The following SDK2 variants were observed in gnomAD, a reference collection of about 807,000 sequenced individuals.
The protein encoded by SDK2 is protein sidekick-2.
A neutral mutation model predicts 253.9 loss-of-function variants in SDK2; 105 were observed. That is an observed-to-expected ratio of 0.41 (90% confidence interval 0.35 to 0.49). SDK2 has a LOEUF of 0.49. Among genes scored for constraint, SDK2 ranks in the 20% least tolerant of loss-of-function variants. The pLI, the probability that SDK2 is intolerant of heterozygous loss-of-function variation, is 0.06. For synonymous variants in SDK2, 1,249 were observed against 1,234.9 expected, an observed-to-expected ratio of 1.01 and a Z score of -0.24; for missense variants, 2,608 against 3,003.0, an observed-to-expected ratio of 0.87 and a Z score of 3.07.
At chr17:73,504,753 G>T (rs964994126) in intron 2 of SDK2, among the ~76,000 whole-genome samples, 2 of 152,068 alleles carry the variant, frequency 1.3e-5, no homozygotes, top group South Asian at 4.1e-4. Context: ...AAATATTCCC[G>T]TGGAGGGGAT....
intron 44 of SDK2, among the ~76,000 whole-genome samples, chr17:73,344,025 G>A (rs907412650): frequency 3.3e-5 from 5 of 152,168 alleles, no homozygotes; most frequent in Non-Finnish European, 7.3e-5. Context: ...CTGTCCCCTG[G>A]ATGCCTCTAC....
chr17:73,339,213 GTTTT>G (rs11290598), intron 44 of SDK2, among the ~76,000 whole-genome samples: 1 of 127,610 alleles, frequency 7.8e-6, no homozygotes, highest in African/African-American at 2.8e-5. Flanking sequence ...GAAGACCTGA[GTTTT>G]TTTTTGTTTT....
At chr17:73,468,852 T>C (rs1378428242) in intron 3 of SDK2, among the ~76,000 whole-genome samples, 1 of 149,840 alleles carries the variant, frequency 6.7e-6, no homozygotes, top group Non-Finnish European at 1.5e-5. Flanking sequence ...TGAGATGGAG[T>C]CTCACTCTTT....
chr17:73,492,435 C>T (rs2063812054), intron 2 of SDK2, among the ~76,000 whole-genome samples: 1 of 152,108 alleles, frequency 6.6e-6, no homozygotes, highest in South Asian at 2.1e-4. Flanking sequence ...CCCTATCTCC[C>T]CTGGAGAGAC....
At chr17:73,542,376 C>T (rs983648295) in intron 1 of SDK2, among the ~76,000 whole-genome samples, 3 of 152,210 alleles carry the variant, frequency 2.0e-5, no homozygotes, top group South Asian at 2.1e-4. Context: ...CCCATCTGTA[C>T]GTGCCTGGAG....
intron 1 of SDK2, among the ~76,000 whole-genome samples, chr17:73,596,126 G>A (rs2045755026): frequency 6.6e-6 from 1 of 152,208 alleles, no homozygotes; most frequent in South Asian, 2.1e-4. Flanking sequence ...GGGAGTCCCA[G>A]CTGCAGGTGG....
chr17:73,358,462 T>C (rs1275001965), intron 39 of SDK2, among the ~76,000 whole-genome samples: 1 of 151,976 alleles, frequency 6.6e-6, no homozygotes, highest in Non-Finnish European at 1.5e-5. Flanking sequence ...TCCAGAAAGG[T>C]CCCTGGAGTA....
At position 73,368,394 on chromosome 17, in the gene SDK2, C is replaced by G; in HGVS notation, c.5167+13G>C. 6.7e-7 allele frequency: 1 copy of G among 1,501,794 alleles called. No individual in the cohort carries two copies. Among genetic ancestry groups the G allele is most frequent in the Non-Finnish European group, 8.9e-7 (1 of 1,121,864 alleles). 93.0% of individuals were successfully genotyped at this position (1,501,794 alleles called of 1,614,324 possible). A position where few individuals can be genotyped will look rare whatever the true frequency, so the allele number is the denominator to read the frequency against. On this transcript the variant is annotated intron_variant, in intron 37 of 44. Coordinates refer to ENST00000392650, the MANE Select transcript of SDK2 (RefSeq NM_001144952.2). Reference sequence around the variant, plus strand: ...CGACCTACCCCTCCCCTCCTCAGGGCCCCCTCTCCCACCTGCTTGCTGGGT... The same window carrying G: ...CGACCTACCCCTCCCCTCCTCAGGGGCCCCTCTCCCACCTGCTTGCTGGGT...
rs1397940898 is a variant in SDK2 at position 73,368,478 on chromosome 17, C to T, written c.5096G>A (p.Ser1699Asn). 2 of 1,609,946 alleles carry T rather than the reference C, an allele frequency of 1.2e-6. No individual in the cohort carries two copies. The highest frequency in any genetic ancestry group is 1.3e-5 in the African/African-American group (1 of 74,806). ...NLTGYTAYMV[S>N]VAAFNAAGDG... is the part of the protein sequence containing the mutation. Reference sequence around the variant, plus strand: ...CCCAGCGGCGTTGAAGGCGGCCACGCTGACCATGTAGGCCGTGTAGCCAGT... The same window carrying T: ...CCCAGCGGCGTTGAAGGCGGCCACGTTGACCATGTAGGCCGTGTAGCCAGT... The change falls in exon 37 of 45, where the codon AGC becomes AAC. Residue 1699 changes from serine to asparagine, a missense_variant. By Grantham distance (46) the Ser-to-Asn change is conservative (BLOSUM62 1). Coordinates refer to ENST00000392650, the MANE Select transcript of SDK2 (RefSeq NM_001144952.2).
At chr17:73,633,679 G>A (rs2046296369) in intron 1 of SDK2, among the ~76,000 whole-genome samples, 1 of 152,198 alleles carries the variant, frequency 6.6e-6, no homozygotes, top group South Asian at 2.1e-4. Context: ...TGGATGAAGG[G>A]TTATTATCTA....
intron 39 of SDK2, among the ~76,000 whole-genome samples, chr17:73,360,483 A>G (rs1211650395): frequency 6.6e-6 from 1 of 151,876 alleles, no homozygotes; most frequent in African/African-American, 2.4e-5. Context: ...GATGGGCTGT[A>G]CCCCTTCTTA....
chr17:73,438,780 A>G (rs892197327), intron 6 of SDK2, among the ~76,000 whole-genome samples: 3 of 152,004 alleles, frequency 2.0e-5, no homozygotes, highest in African/African-American at 7.3e-5. Flanking sequence ...ACTCCTGTTT[A>G]GCACCTGGTG....
Position 73,387,973 on chromosome 17 carries a change from C to A in SDK2, c.4257G>T (p.Leu1419=). 1.3e-6 allele frequency: 2 copies of A among 1,571,722 alleles called. No homozygotes were observed. The highest frequency in any genetic ancestry group is 1.7e-6 in the Non-Finnish European group (2 of 1,159,326). ...QQEDVRARSV[L]LSWEPGSDGL... ...CGTCGCTCCCTGGCTCCCAGGACAG[C>A]AGCACGCTGCGTGCTCTCACATCCT... Residue 1419 remains leucine (L), a synonymous_variant, in exon 30 of 45, where the codon CTG becomes CTT. Transcript: ENST00000392650.
intron 2 of SDK2, among the ~76,000 whole-genome samples, chr17:73,505,134 T>C (rs1380555354): frequency 6.6e-6 from 1 of 152,216 alleles, no homozygotes; most frequent in Non-Finnish European, 1.5e-5. Context: ...CTTTGTTTTC[T>C]AGAATTTGCA....
At position 73,472,564 on chromosome 17, in the gene SDK2, A is replaced by G. The variant is rs577104808; in HGVS notation, c.225-346T>C. On this transcript the variant is annotated intron_variant, in intron 2 of 44. Coordinates refer to ENST00000392650, the MANE Select transcript of SDK2 (RefSeq NM_001144952.2). The stretch of plus-strand genomic sequence containing the variant: ...CCCTGACCTGTGACTCACATGACTG[A>G]GAAAGGTGGGGGCATTTTTTTTTGT... Among the ~76,000 whole-genome samples, 3 of 152,306 alleles carry G rather than the reference A, an allele frequency of 2.0e-5. No individual in the cohort carries two copies. The East Asian group carries it at 5.8e-4, about 29-fold the overall frequency.
chr17:73,364,746 C>T (rs1428549495), intron 38 of SDK2, among the ~76,000 whole-genome samples: 4 of 152,114 alleles, frequency 2.6e-5, no homozygotes, highest in African/African-American at 9.7e-5. Context: ...CTCAGCTTCC[C>T]GAGTAGCTGA....
Position 73,379,633 on chromosome 17 carries a change from AG to A in SDK2, c.4763-85del. The A allele has an allele frequency of 2.5e-6, 2 of 790,292 alleles. No homozygotes were observed. The highest frequency in any genetic ancestry group is 2.1e-6 in the Non-Finnish European group (1 of 484,748). 49.0% of individuals were successfully genotyped at this position (790,292 alleles called of 1,614,324 possible). On this transcript the variant is annotated intron_variant, in intron 34 of 44. Coordinates refer to ENST00000392650, the MANE Select transcript of SDK2 (RefSeq NM_001144952.2). The surrounding 1 kb of genome is among the most constrained non-coding windows in gnomAD (Gnocchi z 4.5). Reference sequence around the variant, plus strand: ...TGTCCCCAGGGAGGGTGGAGGCTGCAGGGGGAGGAATGAGGCACCCCCGCCA... The same window carrying A: ...TGTCCCCAGGGAGGGTGGAGGCTGCAGGGGAGGAATGAGGCACCCCCGCCA...
chr17:73,425,867 T>A lies in SDK2; in HGVS notation c.1584-1775A>T, dbSNP rs2063277411. Among the ~76,000 whole-genome samples, 6 of 152,088 alleles carry A rather than the reference T, an allele frequency of 3.9e-5. No individual in the cohort carries two copies. The South Asian group carries it at 1.2e-3, about 32-fold the overall frequency. On this transcript the variant is annotated intron_variant, in intron 12 of 44. Coordinates refer to ENST00000392650, the MANE Select transcript of SDK2 (RefSeq NM_001144952.2). ...TGCCTCACCTGTAATATGAGGAAACTAACACCACCCACCTCATAGCACTGC... is the reference window on the plus strand; with the variant it reads ...TGCCTCACCTGTAATATGAGGAAACAAACACCACCCACCTCATAGCACTGC...
Position 73,379,029 on chromosome 17 carries a change from G to C in SDK2, c.4980+148C>G. 1.6e-6 allele frequency: 1 copy of C among 627,238 alleles called. No homozygotes were observed. The highest frequency in any genetic ancestry group is 2.8e-6 in the Non-Finnish European group (1 of 352,286). The allele number at this position is 627,238 out of a possible 1,614,324, so 38.9% of individuals were successfully genotyped here. ...TGGGTCCAAACAGCCAAGGTGGCAGGTGTACCACAGAGCCTGAAGGGCCGA... is the reference window on the plus strand; with the variant it reads ...TGGGTCCAAACAGCCAAGGTGGCAGCTGTACCACAGAGCCTGAAGGGCCGA... On this transcript the variant is annotated intron_variant, in intron 36 of 44. Transcript: ENST00000392650. The surrounding 1 kb of genome is among the most constrained non-coding windows in gnomAD (Gnocchi z 4.5).
Sources: allele counts gnomAD v4.1 joint callset (sites outside exome capture counted in the v4.1 genomes callset), GRCh38; gene constraint gnomAD v4.1.1; non-coding constraint Gnocchi (gnomAD v3.1); transcripts MANE v1.5; gene names NCBI Gene and HGNC (gene_info 2026-07-23, HGNC 2026-07-21).